Variants in HS1BP3 observed in about 807,000 individuals in gnomAD.
The protein encoded by HS1BP3 is HCLS1-binding protein 3.
HS1BP3 carries 32 observed loss-of-function variants against 33.5 expected under a neutral mutation model. That is an observed-to-expected ratio of 0.95 (90% CI 0.72 to 1.28). HS1BP3 has a LOEUF of 1.28. HS1BP3 is among the 50% of genes most tolerant of loss of function. The pLI, the probability that HS1BP3 is intolerant of heterozygous loss-of-function variation, is 0.00. For synonymous variants in HS1BP3, 187 were observed against 209.2 expected, an observed-to-expected ratio of 0.89 and a Z score of 0.92; for missense variants, 486 against 502.3, an observed-to-expected ratio of 0.97 and a Z score of 0.31.
chr2:20,634,464 T>A (rs1249752406), intron 4 of HS1BP3, among the ~76,000 whole-genome samples: 1 of 152,184 alleles, frequency 6.6e-6, no homozygotes, highest in Admixed American at 6.5e-5. Context: ...GTGCCCAGGC[T>A]CAGGCTGGAA....
downstream of HS1BP3, among the ~76,000 whole-genome samples, chr2:20,616,678 C>G (rs1190126232): frequency 6.6e-6 from 1 of 152,184 alleles, no homozygotes; most frequent in Non-Finnish European, 1.5e-5. Context: ...GAATCCTCCC[C>G]TTCCCCTACC....
chr2:20,613,025 G>A (rs1694346206), downstream of HS1BP3, among the ~76,000 whole-genome samples: 2 of 152,142 alleles, frequency 1.3e-5, no homozygotes, highest in Non-Finnish European at 2.9e-5. Flanking sequence ...ACCAACCTAG[G>A]TGTAAAATGA....
chr2:20,630,826 A>G (rs1219034572), intron 4 of HS1BP3, among the ~76,000 whole-genome samples: 5 of 152,190 alleles, frequency 3.3e-5, no homozygotes, highest in Admixed American at 2.6e-4. Context: ...AGCCCATGAA[A>G]ATGCCAAGGT....
chr2:20,571,718 T>C (rs987008970), intron 5 of HS1BP3, among the ~76,000 whole-genome samples: 13 of 152,164 alleles, frequency 8.5e-5, no homozygotes, highest in Non-Finnish European at 1.5e-5. Flanking sequence ...CTTGGGCCCA[T>C]GCTCACCAGA....
intron 2 of HS1BP3, among the ~76,000 whole-genome samples, chr2:20,642,573 C>T (rs766389305): frequency 5.3e-5 from 8 of 152,220 alleles, no homozygotes; most frequent in Non-Finnish European, 1.0e-4. Flanking sequence ...GGCCGGGCGC[C>T]CCCTGCTGGC....
chr2:20,589,734 C>T (rs1010341872), downstream of HS1BP3, among the ~76,000 whole-genome samples: 7 of 152,246 alleles, frequency 4.6e-5, no homozygotes, highest in East Asian at 1.4e-3. Context: ...TGGACCAGAC[C>T]ACACCCTTCC....
chr2:20,610,153 A>G (rs998045933), intron 2 of HS1BP3, among the ~76,000 whole-genome samples: 18 of 152,166 alleles, frequency 1.2e-4, no homozygotes, highest in Admixed American at 7.2e-4. Context: ...AGCCTCGCCC[A>G]CCAGCAACAG....
At chr2:20,645,023 C>G (rs921440991) in intron 2 of HS1BP3, among the ~76,000 whole-genome samples, 1 of 152,208 alleles carries the variant, frequency 6.6e-6, no homozygotes, top group Non-Finnish European at 1.5e-5. Flanking sequence ...CCTCAAAACA[C>G]AGCTCAGCCA....
At chr2:20,563,810 A>G (rs114419579) in intron 5 of HS1BP3, among the ~76,000 whole-genome samples, 2,312 of 152,044 alleles carry the variant, frequency 0.015, 33 homozygotes, top group South Asian at 0.056. Flanking sequence ...TGGTTCATGG[A>G]CCAGCGGTAT....
intron 5 of HS1BP3, among the ~76,000 whole-genome samples, chr2:20,572,026 C>A (rs1352849103): frequency 6.6e-6 from 1 of 152,262 alleles, no homozygotes; most frequent in Non-Finnish European, 1.5e-5. Context: ...TGAGTCATAT[C>A]TAAAGTCACA....
At chr2:20,649,388 A>G (rs1451963529) in intron 1 of HS1BP3, among the ~76,000 whole-genome samples, 2 of 152,148 alleles carry the variant, frequency 1.3e-5, no homozygotes, top group Admixed American at 1.3e-4. Flanking sequence ...GCGCCACTCC[A>G]TCAGAAAGAT....
At chr2:20,597,748 A>G (rs1053158877) in intron 3 of HS1BP3, among the ~76,000 whole-genome samples, 8 of 152,226 alleles carry the variant, frequency 5.3e-5, no homozygotes, top group African/African-American at 1.9e-4. Context: ...GGAAATCTAG[A>G]TAGTTTGCAC....
intron 3 of HS1BP3, among the ~76,000 whole-genome samples, chr2:20,595,584 T>C (rs1016137983): frequency 1.3e-5 from 2 of 152,254 alleles, no homozygotes; most frequent in African/African-American, 4.8e-5. Flanking sequence ...CCTGCCTGCC[T>C]GACTCTCTGC....
At chr2:20,614,512 G>A (rs1694378874), downstream of HS1BP3, among the ~76,000 whole-genome samples, 1 of 152,218 alleles carries the variant, frequency 6.6e-6, no homozygotes, top group Admixed American at 6.5e-5. Context: ...GAAACTAGAG[G>A]CTCAGCATGG....
downstream of HS1BP3, among the ~76,000 whole-genome samples, chr2:20,617,232 C>T (rs911119213): frequency 7.2e-5 from 11 of 152,170 alleles, no homozygotes; most frequent in Admixed American, 3.9e-4. Context: ...ATCCCCTCCC[C>T]ACTCCTACTG....
intron 2 of HS1BP3, among the ~76,000 whole-genome samples, chr2:20,599,634 ACACACACACACACACT>A (rs1359939198): frequency 6.8e-6 from 1 of 147,804 alleles, no homozygotes; most frequent in African/African-American, 2.5e-5. Context: ...ACACACACAC[ACACACACACACACACT>A]CTGTTTTTTT....
chr2:20,587,547 T>A (rs1693711480), intron 5 of HS1BP3, among the ~76,000 whole-genome samples: 1 of 152,130 alleles, frequency 6.6e-6, no homozygotes, highest in Non-Finnish European at 1.5e-5. Flanking sequence ...GATGTTTGTG[T>A]TCACCAATGA....
intron 5 of HS1BP3, among the ~76,000 whole-genome samples, chr2:20,582,568 C>A (rs1404430741): frequency 6.6e-6 from 1 of 152,088 alleles, no homozygotes; most frequent in Non-Finnish European, 1.5e-5. Context: ...AGGCAGTGCT[C>A]CCCCTCATGT....
intron 5 of HS1BP3, among the ~76,000 whole-genome samples, chr2:20,584,606 G>T (rs548352229): frequency 3.4e-4 from 52 of 152,320 alleles, no homozygotes; most frequent in Admixed American, 2.9e-3. Flanking sequence ...GACTCTCCTT[G>T]AAAGATGCAG....
Sources: gnomAD v4.1 joint callset for allele counts (sites outside exome capture counted in the v4.1 genomes callset) on GRCh38, gnomAD v4.1.1 for gene constraint, MANE v1.5 for transcripts, NCBI Gene and HGNC (gene_info 2026-07-23, HGNC 2026-07-21) for gene names.